The following B4GALT1 variants were observed in gnomAD, a reference collection of about 807,000 sequenced individuals.
B4GALT1 encodes the protein beta-1,4-galactosyltransferase 1.
Under a neutral mutation model 34.9 loss-of-function variants are expected in B4GALT1, and 16 were observed. The ratio of observed to expected loss-of-function variants is 0.46; its 90% CI spans 0.31 to 0.70. The LOEUF is 0.70. Among genes scored for constraint, B4GALT1 ranks in the 30% least tolerant of loss-of-function variants. The probability of loss-of-function intolerance (pLI) is 0.05; values close to 1 mark genes in which losing one functional copy is unlikely to be tolerated. For missense variants in B4GALT1, 445 were observed against 530.5 expected (o/e 0.84, Z 1.58); for synonymous variants, 221 against 218.1 (o/e 1.01, Z -0.12).
rs1839859413 is a variant in B4GALT1, at chr9:33,111,305, T to TAAGAGTAA, written c.*2141_*2148dup. On this transcript the variant is annotated 3_prime_UTR_variant, in exon 6 of 6. Coordinates refer to ENST00000379731, the MANE Select transcript of B4GALT1 (RefSeq NM_001497.4). ...AACAAGAAAAGGTAGAGTTTGGTTTTAAGAGTAAAATAACACAGAAGTTAC... is the reference window on the plus strand; with the variant it reads ...AACAAGAAAAGGTAGAGTTTGGTTTTAAGAGTAAAAGAGTAAAATAACACAGAAGTTAC... The TAAGAGTAA allele has an allele frequency of 7.0e-6, 1 of 143,732 alleles. No individual in the cohort carries two copies. The highest frequency in any genetic ancestry group is 1.5e-5 in the Non-Finnish European group (1 of 65,118). The allele number at this position is 143,732 out of a possible 1,614,324, so 8.9% of individuals were successfully genotyped here.
chr9:33,132,149 CAAGAT>C (rs1840202353), intron 2 of B4GALT1, among the ~76,000 whole-genome samples: 1 of 151,570 alleles, frequency 6.6e-6, no homozygotes, highest in Non-Finnish European at 1.5e-5. Context: ...ATGATATTGA[CAAGAT>C]AAGAAAAAAG....
At chr9:33,170,752 A>G (rs901030706), upstream of B4GALT1, among the ~76,000 whole-genome samples, 5 of 152,220 alleles carry the variant, frequency 3.3e-5, no homozygotes, top group Non-Finnish European at 5.9e-5. Context: ...AACCTTTGGG[A>G]CAACATTGTC....
rs376849970 is a variant in B4GALT1 at position 33,138,654 on chromosome 9, C to T, written c.413-3230G>A. Among the ~76,000 whole-genome samples, 7 of 152,166 alleles carry T rather than the reference C, an allele frequency of 4.6e-5. 1 individual carries two copies. The highest frequency in any genetic ancestry group is 3.8e-4 in the East Asian group (2 of 5,198). ...TTTGCCCCCTTCTCTTCTCACTCTC[C>T]CTATACCCAGGTCTTTGGTTTAAGC... is the stretch of plus-strand genomic sequence containing the variant. On this transcript the variant is annotated intron_variant, in intron 1 of 5. Coordinates refer to ENST00000379731, the MANE Select transcript of B4GALT1 (RefSeq NM_001497.4).
At chr9:33,104,475 G>A (rs1421443893) in exon 3 of B4GALT1, 5 of 216,908 alleles carry the variant, frequency 2.3e-5, no homozygotes, top group Non-Finnish European at 4.7e-5. Context: ...CCTGGCAAAA[G>A]GACGGTTGTA....
intron 5 of B4GALT1, 93 bp downstream of exon 5, chr9:33,113,681 G>A (rs1839897791): frequency 1.2e-6 from 2 of 1,607,046 alleles, no homozygotes; most frequent in Admixed American, 3.3e-5. Context: ...ACTGTAACCT[G>A]ACCACCTCAA....
At chr9:33,140,249 T>C (rs114546186) in intron 1 of B4GALT1, among the ~76,000 whole-genome samples, 1,766 of 152,318 alleles carry the variant, frequency 0.012, 30 homozygotes, top group African/African-American at 0.039. Context: ...TGTCAACTGA[T>C]TGGCCAGTGG....
intron 1 of B4GALT1, among the ~76,000 whole-genome samples, chr9:33,154,045 GGGAGGGAGGGA>G: frequency 7.7e-6 from 1 of 129,702 alleles, no homozygotes; most frequent in Non-Finnish European, 1.7e-5. Context: ...GAGGGAGGGA[GGGAGGGAGGGA>G]GGGAGGGAAA....
chr9:33,124,231 G>A (rs1840062454), intron 2 of B4GALT1, among the ~76,000 whole-genome samples: 1 of 152,180 alleles, frequency 6.6e-6, no homozygotes, highest in Admixed American at 6.5e-5. Context: ...CCACTCACAA[G>A]AGGCGGGAAG....
intron 1 of B4GALT1, among the ~76,000 whole-genome samples, chr9:33,149,448 T>C (rs531439842): frequency 6.6e-6 from 1 of 152,070 alleles, no homozygotes; most frequent in African/African-American, 2.4e-5. Context: ...CAGGCTAATT[T>C]TTTGTATTTT....
At chr9:33,116,233 T>C in intron 3 of B4GALT1, 120 bp from the exon 4 acceptor site, 1 of 1,213,720 alleles carries the variant, frequency 8.2e-7, no homozygotes, top group Non-Finnish European at 1.1e-6. Flanking sequence ...CTCTAGAGTT[T>C]TTATTTATTT....
At chr9:33,123,628 C>T (rs905015743) in intron 2 of B4GALT1, among the ~76,000 whole-genome samples, 3 of 152,222 alleles carry the variant, frequency 2.0e-5, no homozygotes, top group African/African-American at 4.8e-5. Context: ...CCAACAACTG[C>T]AGCAGAGGGC....
chr9:33,146,890 G>A (rs1840433793), intron 1 of B4GALT1, among the ~76,000 whole-genome samples: 1 of 152,064 alleles, frequency 6.6e-6, no homozygotes, highest in South Asian at 2.1e-4. Flanking sequence ...TAGTAAAGAC[G>A]GGGTTTCGCC....
the B4GALT1 span, chr9:33,179,920 A>G: frequency 1.3e-5 from 2 of 152,248 alleles, no homozygotes; most frequent in African/African-American, 4.8e-5. Flanking sequence ...ATCCATGTCT[A>G]TAACTTCCTC....
chr9:33,163,280 C>T (rs1463135339), intron 1 of B4GALT1, among the ~76,000 whole-genome samples: 2 of 152,154 alleles, frequency 1.3e-5, no homozygotes, highest in South Asian at 4.1e-4. Flanking sequence ...AGCAACAGCC[C>T]CCATAAAAAC....
Position 33,120,465 on chromosome 9 carries a change from A to C in B4GALT1, c.790T>G (p.Ser264Ala), listed in dbSNP as rs755251855. The C allele has an allele frequency of 1.1e-5, 17 of 1,613,906 alleles. No individual in the cohort carries two copies. In the East Asian group the frequency reaches 2.7e-4, roughly 25 times the overall value. Residue 264 changes from serine (S) to alanine (A), a missense_variant, in exon 3 of 6, where the codon TCA becomes GCA. By Grantham distance (99) the Ser-to-Ala change is moderately conservative. This residue lies in a region of B4GALT1 where 349 missense variants were observed against 395.5 expected (regional missense o/e 0.88). Transcript: ENST00000379731. Reference protein sequence around the residue: ...MNDHNAYRCFSQPRHISVAMD... With the variant: ...MNDHNAYRCFAQPRHISVAMD... The stretch of plus-strand genomic sequence containing the variant: ...GCAACGGAAATGTGCCGTGGCTGTG[A>C]AAAACACCTGTACGCATTATGGTCA...
In B4GALT1 at chr9:33,167,289, G is replaced by C. The variant is rs965695566; in HGVS notation, c.-120C>G. ...AGGGGAGGGCCCGGAGCGGGGGCGG[G>C]CGAGCGGCTGAGAGCTGAGACTCCT... On this transcript the variant is annotated 5_prime_UTR_variant, in exon 1 of 6. Coordinates refer to ENST00000379731, the MANE Select transcript of B4GALT1 (RefSeq NM_001497.4). 1.5e-6 allele frequency: 2 copies of C among 1,310,854 alleles called. No individual in the cohort carries two copies. The highest frequency in any genetic ancestry group is 2.0e-6 in the Non-Finnish European group (2 of 1,005,778). 81.2% of individuals were successfully genotyped at this position (1,310,854 alleles called of 1,614,324 possible). A position where few individuals can be genotyped will look rare whatever the true frequency, so the allele number is the denominator to read the frequency against.
At chr9:33,155,660 C>T (rs1319247117) in intron 1 of B4GALT1, among the ~76,000 whole-genome samples, 1 of 152,196 alleles carries the variant, frequency 6.6e-6, no homozygotes, top group East Asian at 1.9e-4. Flanking sequence ...GGGCTATATT[C>T]TGTCCCTAAG....
At chr9:33,158,454 CT>C (rs746844445) in intron 1 of B4GALT1, among the ~76,000 whole-genome samples, 24 of 152,280 alleles carry the variant, frequency 1.6e-4, no homozygotes, top group Admixed American at 2.6e-4. Flanking sequence ...CCTTCTCTTT[CT>C]TTTATCATCT....
the B4GALT1 span, among the ~76,000 whole-genome samples, chr9:33,176,170 C>T: frequency 6.6e-6 from 1 of 152,176 alleles, no homozygotes; most frequent in Non-Finnish European, 1.5e-5. Flanking sequence ...TGAGTCATTC[C>T]TCCTTTTCCA....
Sources: allele counts gnomAD v4.1 joint callset (sites outside exome capture counted in the v4.1 genomes callset), GRCh38; gene constraint gnomAD v4.1.1; regional missense constraint gnomAD v4.1.1; transcripts MANE v1.5; gene names NCBI Gene and HGNC (gene_info 2026-07-23, HGNC 2026-07-21).